GABBR2: variants seen among roughly 807,000 people sequenced by gnomAD.
GABBR2 encodes the protein gamma-aminobutyric acid type B receptor subunit 2, also known as G-protein coupled receptor 51.
A neutral mutation model predicts 105.6 loss-of-function variants in GABBR2; 23 were observed. The ratio of observed to expected loss-of-function variants is 0.22; its 90% CI spans 0.16 to 0.31. The LOEUF is 0.31. Ranked by LOEUF, GABBR2 falls within the 10% of genes least tolerant of loss-of-function variation. The pLI is 1.00. For missense variants in GABBR2, 734 were observed against 1,245.5 expected, an observed-to-expected ratio of 0.59 and a Z score of 6.18; for synonymous variants, 478 against 499.7, an observed-to-expected ratio of 0.96 and a Z score of 0.58.
intron 4 of GABBR2, among the ~76,000 whole-genome samples, chr9:98,490,048 G>A (rs557594004): frequency 4.6e-5 from 7 of 152,248 alleles, no homozygotes; most frequent in South Asian, 4.2e-4. Context: ...AGCCGAGATC[G>A]TGCCACCGCA....
intron 2 of GABBR2, among the ~76,000 whole-genome samples, chr9:98,575,533 T>C (rs1032408107): frequency 6.6e-6 from 1 of 152,124 alleles, no homozygotes; most frequent in African/African-American, 2.4e-5. Flanking sequence ...AGCAGTCCTA[T>C]TACTACCTTG....
chr9:98,504,638 A>T (rs980010528), intron 3 of GABBR2, among the ~76,000 whole-genome samples: 2 of 152,252 alleles, frequency 1.3e-5, no homozygotes, highest in Non-Finnish European at 2.9e-5. Flanking sequence ...ATATATAGCC[A>T]TGAATTGTGC....
intron 1 of GABBR2, among the ~76,000 whole-genome samples, chr9:98,615,935 G>T (rs1829576625): frequency 6.6e-6 from 1 of 152,236 alleles, no homozygotes; most frequent in Admixed American, 6.5e-5. Flanking sequence ...GCACCTGTTT[G>T]TGCCTCAACT....
chr9:98,488,365 G>T (rs1160029423), intron 4 of GABBR2, among the ~76,000 whole-genome samples: 1 of 152,080 alleles, frequency 6.6e-6, no homozygotes, highest in Non-Finnish European at 1.5e-5. Flanking sequence ...AGCTTTTCTG[G>T]TCAAAGCTGT....
chr9:98,409,213 A>T (rs1168066751), intron 7 of GABBR2, among the ~76,000 whole-genome samples: 1 of 152,218 alleles, frequency 6.6e-6, no homozygotes, highest in Non-Finnish European at 1.5e-5. Flanking sequence ...CCCAGAGACC[A>T]TGACAAAGGG....
intron 17 of GABBR2, among the ~76,000 whole-genome samples, chr9:98,297,659 T>G (rs1830403338): frequency 1.3e-5 from 2 of 151,174 alleles, no homozygotes; most frequent in African/African-American, 4.9e-5. Context: ...TTTCATTGAT[T>G]TAAAATAATA....
intron 1 of GABBR2, among the ~76,000 whole-genome samples, chr9:98,605,556 A>G (rs1240128512): frequency 6.6e-6 from 1 of 152,126 alleles, no homozygotes; most frequent in Non-Finnish European, 1.5e-5. Context: ...CCTTTTCTTA[A>G]TGGATCTTCT....
intron 13 of GABBR2, among the ~76,000 whole-genome samples, chr9:98,351,349 G>T (rs1181753216): frequency 6.6e-6 from 1 of 151,988 alleles, no homozygotes; most frequent in African/African-American, 2.4e-5. Context: ...TTTGTCTTTT[G>T]GTGGTTTTCA....
At chr9:98,694,977 GTCC>G (rs1206943137) in intron 1 of GABBR2, among the ~76,000 whole-genome samples, 4 of 152,180 alleles carry the variant, frequency 2.6e-5, no homozygotes, top group Non-Finnish European at 5.9e-5. Context: ...AAGGAAATGT[GTCC>G]TCATCACACA....
intron 16 of GABBR2, among the ~76,000 whole-genome samples, chr9:98,300,927 T>G (rs1830459025): frequency 6.6e-6 from 1 of 152,238 alleles, no homozygotes; most frequent in South Asian, 2.1e-4. Context: ...CCTCGTGTAA[T>G]GAAGCCTCCA....
chr9:98,451,007 G>A (rs1405748075), intron 7 of GABBR2, among the ~76,000 whole-genome samples: 1 of 152,130 alleles, frequency 6.6e-6, no homozygotes, highest in African/African-American at 2.4e-5. Flanking sequence ...TTTCAACTTT[G>A]GATACTTTGA....
At chr9:98,633,853 A>G (rs534152816) in intron 1 of GABBR2, among the ~76,000 whole-genome samples, 82 of 152,254 alleles carry the variant, frequency 5.4e-4, no homozygotes, top group Non-Finnish European at 1.0e-3. Flanking sequence ...TGTGTTTCTC[A>G]GGAGTGGTTC....
intron 18 of GABBR2, 146 bp downstream of exon 18, chr9:98,293,639 A>G: frequency 3.6e-6 from 2 of 556,374 alleles, no homozygotes; most frequent in Middle Eastern, 3.0e-4. Context: ...ATCTGTAAAA[A>G]GAGCACTGTA....
intron 1 of GABBR2, among the ~76,000 whole-genome samples, chr9:98,580,254 T>C (rs892175401): frequency 2.0e-5 from 3 of 152,274 alleles, no homozygotes; most frequent in East Asian, 1.9e-4. Context: ...CTCCTTCCCA[T>C]CAATCAGGTC....
chr9:98,622,535 G>T (rs1469765426), intron 1 of GABBR2, among the ~76,000 whole-genome samples: 1 of 152,108 alleles, frequency 6.6e-6, no homozygotes, highest in Non-Finnish European at 1.5e-5. Flanking sequence ...TGCAGTCTAG[G>T]CAAGTTTCAA....
At chr9:98,620,211 T>G (rs1480465607) in intron 1 of GABBR2, among the ~76,000 whole-genome samples, 2 of 151,814 alleles carry the variant, frequency 1.3e-5, no homozygotes, top group East Asian at 3.9e-4. Context: ...CTCATATACC[T>G]GTTGTCTTTT....
At chr9:98,429,352 G>T (rs1369619850) in intron 7 of GABBR2, among the ~76,000 whole-genome samples, 1 of 152,018 alleles carries the variant, frequency 6.6e-6, no homozygotes, top group African/African-American at 2.4e-5. Flanking sequence ...TGCTGGCCAG[G>T]CTGGTCTTGG....
At chr9:98,334,188 C>A (rs1341513862) in intron 13 of GABBR2, among the ~76,000 whole-genome samples, 1 of 152,180 alleles carries the variant, frequency 6.6e-6, no homozygotes, top group Non-Finnish European at 1.5e-5. Flanking sequence ...AATATCTGTT[C>A]ACTCTCATGA....
chr9:98,497,410 T>C (rs1208803119), intron 3 of GABBR2, among the ~76,000 whole-genome samples: 1 of 148,476 alleles, frequency 6.7e-6, no homozygotes, highest in East Asian at 2.0e-4. Context: ...TTTTTAAATG[T>C]TGATACTATT....
Sources: allele counts gnomAD v4.1 joint callset (sites outside exome capture counted in the v4.1 genomes callset), GRCh38; gene constraint gnomAD v4.1.1; transcripts MANE v1.5; gene names NCBI Gene and HGNC (gene_info 2026-07-23, HGNC 2026-07-21).